SCAI: variants seen among roughly 807,000 people sequenced by gnomAD.
SCAI encodes protein SCAI.
A neutral mutation model predicts 92.2 loss-of-function variants in SCAI; 24 were observed. The observed-to-expected ratio is 0.26, with a 90% CI of 0.19 to 0.37. The LOEUF (loss-of-function observed/expected upper bound fraction) is 0.37. SCAI is among the 10% of genes least tolerant of loss of function. The pLI, the probability that SCAI is intolerant of heterozygous loss-of-function variation, is 1.00. For synonymous variants in SCAI, 261 were observed against 258.6 expected (o/e 1.01, Z -0.09); for missense variants, 450 against 736.2 (o/e 0.61, Z 4.50).
intron 9 of SCAI, among the ~76,000 whole-genome samples, chr9:125,015,292 G>A (rs887062714): frequency 6.6e-6 from 1 of 152,056 alleles, no homozygotes; most frequent in Admixed American, 6.6e-5. Context: ...ATCTGACAAA[G>A]GGCTAATATC....
chr9:125,015,561 A>C (rs971801520), intron 9 of SCAI, among the ~76,000 whole-genome samples: 1 of 152,226 alleles, frequency 6.6e-6, no homozygotes, highest in South Asian at 2.1e-4. Flanking sequence ...GAGAAATAGG[A>C]ACACTTTTAC....
At chr9:124,968,339 G>A (rs1358823236) in intron 17 of SCAI, 15 of 1,214,480 alleles carry the variant, frequency 1.2e-5, no homozygotes, top group Non-Finnish European at 1.7e-5. Flanking sequence ...AGTCCAGTTT[G>A]GTTTTTAAGG....
At chr9:125,013,035 T>C (rs1473315381) in intron 9 of SCAI, among the ~76,000 whole-genome samples, 1 of 151,582 alleles carries the variant, frequency 6.6e-6, no homozygotes, top group Admixed American at 6.6e-5. Context: ...AAGCAGTGTG[T>C]AGAGGGAAAT....
intron 9 of SCAI, among the ~76,000 whole-genome samples, chr9:125,007,938 C>A (rs909297297): frequency 1.3e-5 from 2 of 151,706 alleles, no homozygotes; most frequent in Non-Finnish European, 2.9e-5. Context: ...CTCCACCTCC[C>A]GGGTTCACGC....
intron 2 of SCAI, among the ~76,000 whole-genome samples, chr9:125,121,794 A>C (rs972322665): frequency 6.6e-6 from 1 of 152,140 alleles, no homozygotes; most frequent in African/African-American, 2.4e-5. Flanking sequence ...TAGAGGTTGC[A>C]ATGAGCCGGG....
intron 14 of SCAI, among the ~76,000 whole-genome samples, chr9:124,981,485 T>G (rs1023389115): frequency 2.0e-5 from 3 of 152,204 alleles, no homozygotes; most frequent in Non-Finnish European, 2.9e-5. Context: ...GAACATACTT[T>G]TAGTGTTTCT....
chr9:125,107,983 C>T (rs987679331), intron 2 of SCAI, among the ~76,000 whole-genome samples: 10 of 152,198 alleles, frequency 6.6e-5, no homozygotes, highest in Admixed American at 3.3e-4. Context: ...AGGCGCGCGC[C>T]GCCATGCCTG....
intron 6 of SCAI, among the ~76,000 whole-genome samples, chr9:125,022,229 TAA>T (rs1049393423): frequency 6.6e-6 from 1 of 152,194 alleles, no homozygotes; most frequent in African/African-American, 2.4e-5. Flanking sequence ...TAGGTATATA[TAA>T]GTTTATGATT....
chr9:125,108,628 C>A (rs1834864616), intron 2 of SCAI, among the ~76,000 whole-genome samples: 2 of 149,254 alleles, frequency 1.3e-5, no homozygotes, highest in South Asian at 2.2e-4. Context: ...AGGAGCCCCT[C>A]CGCCCGGCAG....
intron 2 of SCAI, among the ~76,000 whole-genome samples, chr9:125,096,277 C>T (rs1834550118): frequency 6.6e-6 from 1 of 152,136 alleles, no homozygotes; most frequent in South Asian, 2.1e-4. Context: ...ACCATCAGAT[C>T]TCGTGAGACT....
At chr9:125,138,054 C>T (rs1330403433) in intron 2 of SCAI, among the ~76,000 whole-genome samples, 1 of 152,138 alleles carries the variant, frequency 6.6e-6, no homozygotes, top group Non-Finnish European at 1.5e-5. Context: ...GGTCCATGCA[C>T]TAATTCTGCC....
intron 2 of SCAI, among the ~76,000 whole-genome samples, chr9:125,102,472 T>C (rs532311099): frequency 6.6e-6 from 1 of 152,296 alleles, no homozygotes; most frequent in East Asian, 1.9e-4. Flanking sequence ...ACCTGTGCAC[T>C]GGATTCCAGT....
intron 3 of SCAI, among the ~76,000 whole-genome samples, chr9:125,032,616 C>CTTTT: frequency 7.6e-6 from 1 of 131,008 alleles, no homozygotes. Context: ...TAATATTATG[C>CTTTT]TTTTTTTTTT....
chr9:125,143,524 G>C lies in SCAI; in HGVS notation c.-87C>G. On this transcript the variant is annotated 5_prime_UTR_variant, in exon 1 of 18. Coordinates refer to ENST00000336505, the MANE Select transcript of SCAI (RefSeq NM_001144877.3). ...GGCGGCGGAGGCTGGAGTAGGCGGA[G>C]AGGCGGGAGGAGGGCCTCGCGCCTC... is the stretch of plus-strand genomic sequence containing the variant. 1 of 1,139,524 alleles carries C rather than the reference G, an allele frequency of 8.8e-7. No individual in the cohort carries two copies. The highest frequency in any genetic ancestry group is 3.2e-5 in the East Asian group (1 of 30,876). 70.6% of individuals were successfully genotyped at this position (1,139,524 alleles called of 1,614,324 possible). A position where few individuals can be genotyped will look rare whatever the true frequency, so the allele number is the denominator to read the frequency against.
rs751191686 is a variant in SCAI, at chr9:125,103,583, A to ATGG, written c.98+39049_98+39050insCCA. Among the ~76,000 whole-genome samples, 171 of 152,332 alleles carry ATGG rather than the reference A, an allele frequency of 1.1e-3. 1 individual carries two copies. The highest frequency in any genetic ancestry group is 1.3e-3 in the Non-Finnish European group (86 of 68,038). On this transcript the variant is annotated intron_variant, in intron 2 of 17. Coordinates refer to ENST00000336505, the MANE Select transcript of SCAI (RefSeq NM_001144877.3). ...CTCAACAAGCGGTCCTTACTATTCC[A>ATGG]ACCACAATAATGAAGTTACAGTCTC...
intron 2 of SCAI, among the ~76,000 whole-genome samples, chr9:125,131,238 T>C (rs1278444572): frequency 1.3e-5 from 2 of 151,206 alleles, no homozygotes; most frequent in African/African-American, 4.9e-5. Flanking sequence ...AAACCCCATC[T>C]CTACAAAAAT....
At chr9:124,956,149 AC>A (rs1831312499) in intron 17 of SCAI, among the ~76,000 whole-genome samples, 1 of 152,210 alleles carries the variant, frequency 6.6e-6, no homozygotes, top group Non-Finnish European at 1.5e-5. Flanking sequence ...AGCAAATTCA[AC>A]CCAGCAATGC....
intron 17 of SCAI, among the ~76,000 whole-genome samples, chr9:124,968,060 A>C (rs1588122273): frequency 6.6e-6 from 1 of 152,224 alleles, no homozygotes; most frequent in Non-Finnish European, 1.5e-5. Flanking sequence ...TAAAAGATAA[A>C]GGATATCATA....
At chr9:125,088,785 T>C (rs932528904) in intron 2 of SCAI, among the ~76,000 whole-genome samples, 1 of 152,144 alleles carries the variant, frequency 6.6e-6, no homozygotes, top group African/African-American at 2.4e-5. Context: ...GATGTATTAT[T>C]TTTAATTTTA....
Sources: allele counts gnomAD v4.1 joint callset (sites outside exome capture counted in the v4.1 genomes callset), GRCh38; gene constraint gnomAD v4.1.1; transcripts MANE v1.5; gene names NCBI Gene and HGNC (gene_info 2026-07-23, HGNC 2026-07-21).